Variants in FBXL4 observed in about 807,000 individuals in gnomAD.
The protein encoded by FBXL4 is F-box/LRR-repeat protein 4.
FBXL4 carries 40 observed loss-of-function variants against 58.9 expected under a neutral mutation model. That is an observed-to-expected ratio of 0.68 (90% confidence interval 0.53 to 0.88). FBXL4 has a LOEUF of 0.88. FBXL4 is among the 40% of genes least tolerant of loss of function. The pLI is 0.00. For missense variants in FBXL4, 676 were observed against 734.4 expected, an observed-to-expected ratio of 0.92 and a Z score of 0.92; for synonymous variants, 263 against 265.5, an observed-to-expected ratio of 0.99 and a Z score of 0.09.
At chr6:98,943,449 T>A (rs970531393) in intron 1 of FBXL4, among the ~76,000 whole-genome samples, 1 of 151,708 alleles carries the variant, frequency 6.6e-6, no homozygotes, top group South Asian at 2.1e-4. Flanking sequence ...GGCATGCACC[T>A]GCAGTCCAGG....
rs1770507060 is a variant in FBXL4 at position 98,872,140 on chromosome 6, G to A, written c.*2138C>T. On this transcript the variant is annotated 3_prime_UTR_variant, in exon 10 of 10. Coordinates refer to ENST00000369244, the MANE Select transcript of FBXL4 (RefSeq NM_001278716.2). ...ATCTCCACTCTCACACAAATTTGTAGCTCACACCATAGTGCCTGCAGTATT... is the reference window on the plus strand; with the variant it reads ...ATCTCCACTCTCACACAAATTTGTAACTCACACCATAGTGCCTGCAGTATT... 6.6e-6 allele frequency: 1 copy of A among 152,186 alleles called. No homozygotes were observed. The highest frequency in any genetic ancestry group is 2.4e-5 in the African/African-American group (1 of 41,428). 9.4% of individuals were successfully genotyped at this position (152,186 alleles called of 1,614,324 possible).
At chr6:98,937,954 G>A (rs1275227301) in intron 1 of FBXL4, among the ~76,000 whole-genome samples, 1 of 150,588 alleles carries the variant, frequency 6.6e-6, no homozygotes, top group Non-Finnish European at 1.5e-5. Context: ...GTTGTTTTCT[G>A]TTAACTCCTT....
At chr6:98,919,990 T>C (rs1304069973) in intron 4 of FBXL4, among the ~76,000 whole-genome samples, 1 of 152,118 alleles carries the variant, frequency 6.6e-6, no homozygotes, top group African/African-American at 2.4e-5. Context: ...GTTGTTTAGT[T>C]TCAATGGGGA....
At chr6:98,906,522 T>A (rs1253178958) in intron 5 of FBXL4, among the ~76,000 whole-genome samples, 1 of 152,214 alleles carries the variant, frequency 6.6e-6, no homozygotes, top group East Asian at 1.9e-4. Flanking sequence ...TATGGCTGCA[T>A]AGTATTCCAT....
intron 5 of FBXL4, among the ~76,000 whole-genome samples, chr6:98,905,952 G>A (rs1771793450): frequency 6.6e-6 from 1 of 152,088 alleles, no homozygotes; most frequent in Admixed American, 6.5e-5. Context: ...AATACAATTT[G>A]TCATACTCAG....
rs574016248 is a variant in FBXL4 at position 98,905,364 on chromosome 6, T to C, written c.1103+62A>G. 14 of 1,567,270 alleles carry C rather than the reference T, an allele frequency of 8.9e-6. No homozygotes were observed. The East Asian group carries it at 2.9e-4, about 33-fold the overall frequency. On this transcript the variant is annotated intron_variant, in intron 6 of 9. Transcript: ENST00000369244. ...TTCAAACTTTTATTATGAAAACCAC[T>C]ACATAATAAGTATAACCTGCTGCTG...
At chr6:98,896,016 T>C (rs556103207) in intron 7 of FBXL4, among the ~76,000 whole-genome samples, 2 of 152,260 alleles carry the variant, frequency 1.3e-5, no homozygotes, top group African/African-American at 4.8e-5. Flanking sequence ...ACCAGATAAT[T>C]TGTAGCCCTT....
chr6:98,880,500 G>A lies in FBXL4; in HGVS notation c.1389+53C>T, dbSNP rs1770813434. On this transcript the variant is annotated intron_variant, in intron 8 of 9. Transcript: ENST00000369244. ...GAGTCAGGATACATTTCACCCATAG[G>A]AAGAAAAAGAGAACAAGTAATTGAG... The A allele has an allele frequency of 4.8e-6, 7 of 1,464,678 alleles. No homozygotes were observed. In the East Asian group the frequency reaches 1.1e-4, roughly 24 times the overall value. 90.7% of individuals were successfully genotyped at this position (1,464,678 alleles called of 1,614,324 possible). A position where few individuals can be genotyped will look rare whatever the true frequency, so the allele number is the denominator to read the frequency against.
At chr6:98,876,472 A>T (rs6928645) in intron 8 of FBXL4, among the ~76,000 whole-genome samples, 10,987 of 152,282 alleles carry the variant, frequency 0.072, 601 homozygotes, top group East Asian at 0.28. Flanking sequence ...TATCAAAAGG[A>T]AACAAAATAG....
chr6:98,938,041 CTTT>C (rs71015480), intron 1 of FBXL4, among the ~76,000 whole-genome samples: 7,042 of 121,034 alleles, frequency 0.058, 215 homozygotes, highest in Middle Eastern at 0.15. Context: ...CCCCTGCACC[CTTT>C]TTTTTTTTTT....
At chr6:98,942,247 T>C (rs1773459934) in intron 1 of FBXL4, among the ~76,000 whole-genome samples, 1 of 151,622 alleles carries the variant, frequency 6.6e-6, no homozygotes, top group Non-Finnish European at 1.5e-5. Context: ...AGGGAAGACA[T>C]ACTATTCAAG....
Position 98,917,402 on chromosome 6 carries a change from T to C in FBXL4, c.830A>G (p.Asn277Ser). 6.2e-7 allele frequency: 1 copy of C among 1,610,316 alleles called. No individual in the cohort carries two copies. Among genetic ancestry groups the C allele is most frequent in the Non-Finnish European group, 8.5e-7 (1 of 1,178,140 alleles). ...ATAAGGTAGTTTATCAAAATACCCA[T>C]TATTTGGCCCTTCCCCGAGGACAGC... Reference protein sequence around the residue: ...SSAVLGEGPNNGYFDKLPYEL... With the variant: ...SSAVLGEGPNSGYFDKLPYEL... The change falls in exon 5 of 10, where the codon AAT becomes AGT. Residue 277 changes from asparagine to serine, a missense_variant. Coordinates refer to ENST00000369244, the MANE Select transcript of FBXL4 (RefSeq NM_001278716.2).
At chr6:98,918,769 C>T (rs1465170963) in intron 4 of FBXL4, among the ~76,000 whole-genome samples, 1 of 151,984 alleles carries the variant, frequency 6.6e-6, no homozygotes, top group Non-Finnish European at 1.5e-5. Flanking sequence ...TTTTAAGTCT[C>T]TCAATACACA....
intron 7 of FBXL4, among the ~76,000 whole-genome samples, chr6:98,894,466 A>G (rs1205502513): frequency 1.3e-5 from 2 of 152,120 alleles, no homozygotes; most frequent in African/African-American, 2.4e-5. Flanking sequence ...AAAAAAAATT[A>G]CCCTATTTAC....
intron 7 of FBXL4, among the ~76,000 whole-genome samples, chr6:98,895,954 T>C (rs894784359): frequency 4.6e-5 from 7 of 152,140 alleles, no homozygotes; most frequent in African/African-American, 1.2e-4. Flanking sequence ...TAATACTAAT[T>C]TTTGCTTATT....
intron 7 of FBXL4, chr6:98,897,123 G>A (rs1249159546): frequency 1.0e-6 from 1 of 980,674 alleles, no homozygotes; most frequent in Non-Finnish European, 1.2e-6. Flanking sequence ...TAATAATTAT[G>A]CCTGCTATAT....
chr6:98,889,378 A>AT (rs1183593653), intron 7 of FBXL4, among the ~76,000 whole-genome samples: 1 of 152,090 alleles, frequency 6.6e-6, no homozygotes, highest in Non-Finnish European at 1.5e-5. Context: ...AAGCTTCCAA[A>AT]TACTCAGACT....
Position 98,884,588 on chromosome 6 carries a change from G to T in FBXL4, c.1318-3964C>A, listed in dbSNP as rs369064755. 2.0e-5 allele frequency among the ~76,000 whole-genome samples: 3 copies of T among 152,150 alleles called. No individual in the cohort carries two copies. The South Asian group carries it at 6.2e-4, about 32-fold the overall frequency. Reference sequence around the variant, plus strand: ...ACTGTCAATCTAATTGTTTTCCTCTGCAGGTAATATATCTTTTGTCTCTGA... The same window carrying T: ...ACTGTCAATCTAATTGTTTTCCTCTTCAGGTAATATATCTTTTGTCTCTGA... On this transcript the variant is annotated intron_variant, in intron 7 of 9. Transcript: ENST00000369244.
chr6:98,944,576 GCATAT>G (rs1421008357), intron 1 of FBXL4, among the ~76,000 whole-genome samples: 2 of 152,090 alleles, frequency 1.3e-5, no homozygotes, highest in Non-Finnish European at 2.9e-5. Context: ...TCAAGTTTCT[GCATAT>G]CATATAAGTA....
Sources: gnomAD v4.1 joint callset for allele counts (sites outside exome capture counted in the v4.1 genomes callset) on GRCh38, gnomAD v4.1.1 for gene constraint, MANE v1.5 for transcripts, NCBI Gene and HGNC (gene_info 2026-07-23, HGNC 2026-07-21) for gene names.